DAG1: variants seen among roughly 807,000 people sequenced by gnomAD.
The protein encoded by DAG1 is dystroglycan 1, also known as dystroglycan 1 (dystrophin-associated glycoprotein 1).
A neutral mutation model predicts 46.1 loss-of-function variants in DAG1; 8 were observed. That is an observed-to-expected ratio of 0.17 (90% CI 0.10 to 0.31). The LOEUF (loss-of-function observed/expected upper bound fraction) is 0.31, where lower values mean the gene tolerates loss of function less well. DAG1 is among the 10% of genes least tolerant of loss of function. DAG1 has a pLI of 1.00. For synonymous variants in DAG1, 495 were observed against 481.8 expected (o/e 1.03, Z -0.36); for missense variants, 1,003 against 1,189.9 (o/e 0.84, Z 2.31).
chr3:49,506,607 A>T (rs1328880483), intron 1 of DAG1, among the ~76,000 whole-genome samples: 2 of 152,076 alleles, frequency 1.3e-5, no homozygotes, highest in Non-Finnish European at 2.9e-5. Flanking sequence ...TCAAATATTG[A>T]GCTGATTAAT....
intron 1 of DAG1, among the ~76,000 whole-genome samples, chr3:49,473,707 C>T (rs574703039): frequency 9.3e-5 from 14 of 151,050 alleles, no homozygotes; most frequent in East Asian, 2.0e-4. Flanking sequence ...CTCAGCCTCC[C>T]GAGTAGCTGG....
intron 1 of DAG1, among the ~76,000 whole-genome samples, chr3:49,486,185 C>A (rs1424572935): frequency 2.1e-5 from 3 of 141,478 alleles, no homozygotes; most frequent in African/African-American, 8.0e-5. Flanking sequence ...TTTTCTTTTT[C>A]TTTTATTTAT....
At chr3:49,472,117 C>T (rs2049537765) in intron 1 of DAG1, among the ~76,000 whole-genome samples, 1 of 152,056 alleles carries the variant, frequency 6.6e-6, no homozygotes, top group African/African-American at 2.4e-5. Flanking sequence ...GTCTGGGGAG[C>T]CTTTTAATCA....
chr3:49,479,628 C>CTT (rs71080522), intron 1 of DAG1, among the ~76,000 whole-genome samples: 3 of 47,188 alleles, frequency 6.4e-5, no homozygotes, highest in Admixed American at 3.9e-4. Flanking sequence ...TATAACATTT[C>CTT]TTTTTTTTTT....
At chr3:49,471,049 A>T (rs2049505225) in intron 1 of DAG1, 1 of 152,230 alleles carries the variant, frequency 6.6e-6, no homozygotes, top group South Asian at 2.1e-4. Flanking sequence ...ATAAATTCTA[A>T]GTTAGTTTCC....
Position 49,531,141 on chromosome 3 carries a change from C to T in DAG1, c.630C>T (p.Leu210=), listed in dbSNP as rs894480547. 7 of 1,614,084 alleles carry T rather than the reference C, an allele frequency of 4.3e-6. No individual in the cohort carries two copies. In the African/African-American group the frequency reaches 5.3e-5, roughly 12 times the overall value. Residue 210 remains leucine (L), a synonymous_variant, in exon 3 of 3, where the codon CTC becomes CTT. Coordinates refer to ENST00000308775, the MANE Select transcript of DAG1 (RefSeq NM_004393.6). The surrounding 1 kb of genome is among the most constrained non-coding windows in gnomAD (Gnocchi z 7.0). ...TGACCCCAAAGCAAAGGATTGACCT[C>T]CTGCACAGGATGCGGAGCTTCTCAG... ...TKMTPKQRID[L]LHRMRSFSEV... is the part of the protein sequence containing the mutation.
chr3:49,474,077 C>T (rs1017626263), intron 1 of DAG1, among the ~76,000 whole-genome samples: 1 of 151,834 alleles, frequency 6.6e-6, no homozygotes, highest in African/African-American at 2.4e-5. Context: ...TTTTTTGAGA[C>T]CGAGTCTTGC....
chr3:49,526,362 C>T (rs547475562), intron 2 of DAG1, among the ~76,000 whole-genome samples: 1 of 152,276 alleles, frequency 6.6e-6, no homozygotes, highest in Admixed American at 6.5e-5. Flanking sequence ...ACATGACTTG[C>T]CCCAAAGACA....
At chr3:49,511,930 C>G (rs189643837) in intron 2 of DAG1, among the ~76,000 whole-genome samples, 1 of 152,236 alleles carries the variant, frequency 6.6e-6, no homozygotes, top group Non-Finnish European at 1.5e-5. Flanking sequence ...GGCAATAAAA[C>G]TTTACGGTGG....
intron 2 of DAG1, 141 bp from the exon 3 acceptor site, chr3:49,530,656 T>C: frequency 8.3e-7 from 1 of 1,211,702 alleles, no homozygotes; most frequent in South Asian, 1.3e-5. Flanking sequence ...TGTGTCTCTC[T>C]AGGGGGGAGG....
chr3:49,526,734 ATAAAAT>A (rs1445629576), intron 2 of DAG1, among the ~76,000 whole-genome samples: 1 of 152,142 alleles, frequency 6.6e-6, no homozygotes, highest in Non-Finnish European at 1.5e-5. Flanking sequence ...AAATAAATAA[ATAAAAT>A]TAAATAAATT....
intron 1 of DAG1, among the ~76,000 whole-genome samples, chr3:49,480,115 A>ATTTT (rs34246427): frequency 9.2e-6 from 1 of 108,750 alleles, no homozygotes. Flanking sequence ...ACACCCGGCT[A>ATTTT]TTTTTTTTTT....
At chr3:49,478,551 TA>T (rs61667510) in intron 1 of DAG1, among the ~76,000 whole-genome samples, 7 of 146,056 alleles carry the variant, frequency 4.8e-5, no homozygotes, top group South Asian at 2.1e-4. Context: ...TTTTTTTTTT[TA>T]AATTTTTTGT....
At chr3:49,482,232 CG>C (rs1316293687) in intron 1 of DAG1, among the ~76,000 whole-genome samples, 3 of 152,116 alleles carry the variant, frequency 2.0e-5, no homozygotes, top group Non-Finnish European at 4.4e-5. Context: ...CTCTTGAAAG[CG>C]GGGTATTGTC....
chr3:49,533,186 A>G lies in DAG1; in HGVS notation c.2675A>G (p.Tyr892Cys), dbSNP rs1394689956. The G allele has an allele frequency of 1.9e-6, 3 of 1,613,088 alleles. No individual in the cohort carries two copies. Among genetic ancestry groups the G allele is most frequent in the Non-Finnish European group, 2.5e-6 (3 of 1,179,942 alleles). The stretch of plus-strand genomic sequence containing the variant: ...ACCCCATACCGGTCACCTCCTCCCT[A>G]TGTCCCACCTTAACCCGCAAGCGCC... ...NMTPYRSPPP[Y>C]VPP Residue 892 changes from tyrosine (Y) to cysteine (C), a missense_variant, in exon 3 of 3, where the codon TAT (tyrosine) becomes TGT (cysteine). Physicochemically the swap from Tyr to Cys is radical, Grantham distance 194. Transcript: ENST00000308775.
At chr3:49,482,796 CAA>C (rs974843488) in intron 1 of DAG1, among the ~76,000 whole-genome samples, 1 of 152,130 alleles carries the variant, frequency 6.6e-6, no homozygotes, top group Non-Finnish European at 1.5e-5. Context: ...GAATTGGAAT[CAA>C]ATTCTTTTGA....
chr3:49,513,223 C>A lies in DAG1; in HGVS notation c.285+2404C>A, dbSNP rs528841704. ...CTGGCAAGTTGATGCTGCCTGTTGA[C>A]AGGGAGCTTAGCTGGGGCTGTTGGT... On this transcript the variant is annotated intron_variant, in intron 2 of 2. Transcript: ENST00000308775. 5.9e-5 allele frequency among the ~76,000 whole-genome samples: 9 copies of A among 152,222 alleles called. No homozygotes were observed. The South Asian group carries it at 1.5e-3, about 25-fold the overall frequency.
At chr3:49,475,882 A>G (rs1354313595) in intron 1 of DAG1, among the ~76,000 whole-genome samples, 1 of 151,488 alleles carries the variant, frequency 6.6e-6, no homozygotes, top group African/African-American at 2.4e-5. Context: ...ATATGTATAT[A>G]TATATTTTTT....
At chr3:49,499,287 C>T (rs1241200850) in intron 1 of DAG1, among the ~76,000 whole-genome samples, 1 of 151,872 alleles carries the variant, frequency 6.6e-6, no homozygotes, top group African/African-American at 2.4e-5. Context: ...CTGTAGTCTC[C>T]TATTTGGGAG....
Sources: allele counts gnomAD v4.1 joint callset (sites outside exome capture counted in the v4.1 genomes callset), GRCh38; gene constraint gnomAD v4.1.1; non-coding constraint Gnocchi (gnomAD v3.1); transcripts MANE v1.5; gene names NCBI Gene and HGNC (gene_info 2026-07-23, HGNC 2026-07-21).